The following PHLPP1 variants were observed in gnomAD, a reference collection of about 807,000 sequenced individuals.
PHLPP1 encodes the protein PH domain and leucine rich repeat protein phosphatase 1.
A neutral mutation model predicts 117.2 loss-of-function variants in PHLPP1; 42 were observed. That is an observed-to-expected ratio of 0.36 (90% CI 0.28 to 0.46). The LOEUF is 0.46. Among genes scored for constraint, PHLPP1 ranks in the 20% least tolerant of loss-of-function variants. The probability of loss-of-function intolerance (pLI) is 1.00; values close to 1 mark genes in which losing one functional copy is unlikely to be tolerated. For missense variants in PHLPP1, 2,084 were observed against 2,241.9 expected, an observed-to-expected ratio of 0.93 and a Z score of 1.42; for synonymous variants, 1,042 against 970.7, an observed-to-expected ratio of 1.07 and a Z score of -1.37.
chr18:62,762,586 G>A (rs909138245), intron 1 of PHLPP1, among the ~76,000 whole-genome samples: 1 of 151,114 alleles, frequency 6.6e-6, no homozygotes, highest in Non-Finnish European at 1.5e-5. Context: ...GCTAATTTTT[G>A]CATTTTTAGT....
intron 10 of PHLPP1, among the ~76,000 whole-genome samples, chr18:62,940,949 A>G (rs1181608853): frequency 6.6e-6 from 1 of 152,162 alleles, no homozygotes; most frequent in Admixed American, 6.5e-5. Context: ...TTCTGTTACT[A>G]CAGAGTAATT....
At chr18:62,718,192 C>T (rs906801047) in intron 1 of PHLPP1, among the ~76,000 whole-genome samples, 2 of 152,180 alleles carry the variant, frequency 1.3e-5, no homozygotes, top group African/African-American at 4.8e-5. Flanking sequence ...TCCCTTTCCT[C>T]CTCTGGTTTG....
At chr18:62,807,209 G>A (rs8083129) in intron 1 of PHLPP1, among the ~76,000 whole-genome samples, 32,178 of 151,810 alleles carry the variant, frequency 0.21, 5,060 homozygotes, top group African/African-American at 0.45. Context: ...CATCTTCTTT[G>A]TTACATAGTT....
At chr18:62,877,216 A>G (rs1741100058) in intron 4 of PHLPP1, among the ~76,000 whole-genome samples, 1 of 152,222 alleles carries the variant, frequency 6.6e-6, no homozygotes, top group South Asian at 2.1e-4. Flanking sequence ...AATGTTAATT[A>G]CTTATCATTA....
intron 1 of PHLPP1, among the ~76,000 whole-genome samples, chr18:62,780,829 A>G (rs1379761703): frequency 6.6e-6 from 1 of 152,220 alleles, no homozygotes; most frequent in Non-Finnish European, 1.5e-5. Context: ...ATGCATCTCA[A>G]CAATACACCT....
chr18:62,958,504 C>T, intron 12 of PHLPP1, 125 bp from the exon 13 acceptor site: 5 of 814,150 alleles, frequency 6.1e-6, no homozygotes, highest in South Asian at 3.0e-5. Flanking sequence ...CCTCCTTTTC[C>T]ACATTTGTCT....
At chr18:62,727,458 A>G (rs1322339718) in intron 1 of PHLPP1, among the ~76,000 whole-genome samples, 1 of 151,806 alleles carries the variant, frequency 6.6e-6, no homozygotes, top group Non-Finnish European at 1.5e-5. Context: ...AATAATAATA[A>G]TAAAAAAAAT....
chr18:62,740,715 G>C (rs545441014), intron 1 of PHLPP1, among the ~76,000 whole-genome samples: 115 of 152,342 alleles, frequency 7.5e-4, no homozygotes, highest in African/African-American at 2.7e-3. Context: ...GCTCATGCCT[G>C]TAATCCCAGC....
At chr18:62,919,786 C>T (rs905482686) in intron 9 of PHLPP1, among the ~76,000 whole-genome samples, 173 bp from the exon 10 acceptor site, 22 of 152,120 alleles carry the variant, frequency 1.4e-4, no homozygotes, top group Non-Finnish European at 3.2e-4. Context: ...ATAGTTTTTT[C>T]CTTCCTCCTT....
chr18:62,794,969 G>T (rs1212266049), intron 1 of PHLPP1, among the ~76,000 whole-genome samples: 1 of 152,116 alleles, frequency 6.6e-6, no homozygotes, highest in Non-Finnish European at 1.5e-5. Flanking sequence ...GGAAAAAAGT[G>T]GGCTGACACT....
At chr18:62,730,407 C>A (rs1365958539) in intron 1 of PHLPP1, among the ~76,000 whole-genome samples, 3 of 152,100 alleles carry the variant, frequency 2.0e-5, no homozygotes, top group Non-Finnish European at 4.4e-5. Flanking sequence ...GTGGAAAGAG[C>A]ACTGGAGCCC....
intron 3 of PHLPP1, among the ~76,000 whole-genome samples, chr18:62,847,890 C>G (rs143178979): frequency 4.4e-4 from 67 of 152,238 alleles, no homozygotes; most frequent in African/African-American, 1.5e-3. Flanking sequence ...CTCATTGACC[C>G]GAATTTTTCT....
chr18:62,717,283 G>A (rs769425693), intron 1 of PHLPP1, 24 bp downstream of exon 1: 3 of 1,539,406 alleles, frequency 1.9e-6, no homozygotes, highest in Non-Finnish European at 2.6e-6. Context: ...CTGCCTTGAC[G>A]GGTGGTTGCA....
chr18:62,721,546 ATTAAAAAATCGAG>A (rs1910919153), intron 1 of PHLPP1, among the ~76,000 whole-genome samples: 3 of 152,022 alleles, frequency 2.0e-5, no homozygotes, highest in Non-Finnish European at 4.4e-5. Flanking sequence ...TAAACTTATT[ATTAAAAAATCGAG>A]TTGTCTTTTA....
chr18:62,864,519 C>T (rs1322827850), intron 4 of PHLPP1, among the ~76,000 whole-genome samples: 1 of 152,182 alleles, frequency 6.6e-6, no homozygotes, highest in Non-Finnish European at 1.5e-5. Flanking sequence ...TGAGTTCCAA[C>T]AAGAGGTGCT....
chr18:62,934,091 G>T (rs1390027549), intron 10 of PHLPP1, among the ~76,000 whole-genome samples: 2 of 152,078 alleles, frequency 1.3e-5, no homozygotes, highest in African/African-American at 2.4e-5. Flanking sequence ...TCAAGGATAT[G>T]GAGAAAAGAG....
chr18:62,856,348 G>A (rs1915498093), intron 3 of PHLPP1, among the ~76,000 whole-genome samples: 1 of 152,050 alleles, frequency 6.6e-6, no homozygotes. Context: ...CATATCCCCT[G>A]CCCCCTTACC....
rs1910701564 is a variant in PHLPP1 at position 62,715,773 on chromosome 18, A to AGCAGCAGCAGCGGCCGCCGCTGCG, written c.101_102insGGCCGCCGCTGCGGCAGCAGCAGC (p.Ala33_Ala40dup). On this transcript the variant is annotated inframe_insertion, in exon 1 of 17. Coordinates refer to ENST00000262719, the MANE Select transcript of PHLPP1 (RefSeq NM_194449.4). ...CGGCTCCGGCGGCCGCCGCTGCGGC[A>AGCAGCAGCAGCGGCCGCCGCTGCG]GCAGCAGCAGCAGCGGCGGCCGCGG... The AGCAGCAGCAGCGGCCGCCGCTGCG allele has an allele frequency of 4.2e-6, 3 of 717,380 alleles. No individual in the cohort carries two copies. The highest frequency in any genetic ancestry group is 3.5e-6 in the Non-Finnish European group (2 of 577,240). The allele number at this position is 717,380 out of a possible 1,614,324, so 44.4% of individuals were successfully genotyped here.
intron 3 of PHLPP1, among the ~76,000 whole-genome samples, chr18:62,855,559 C>T (rs1410803946): frequency 2.0e-5 from 3 of 152,232 alleles, no homozygotes; most frequent in African/African-American, 7.2e-5. Flanking sequence ...ATGCAGCTCA[C>T]TGCCTAGTGG....
Sources: allele counts gnomAD v4.1 joint callset (sites outside exome capture counted in the v4.1 genomes callset), GRCh38; gene constraint gnomAD v4.1.1; transcripts MANE v1.5; gene names NCBI Gene and HGNC (gene_info 2026-07-23, HGNC 2026-07-21).